Variants in MDGA2 observed in about 807,000 individuals in gnomAD.
MDGA2 encodes the protein MAM domain containing glycosylphosphatidylinositol anchor 2, also known as MAM domain-containing glycosylphosphatidylinositol anchor protein 2.
In MDGA2, 40 loss-of-function variants were observed where a neutral mutation model predicts 117.8. That is an observed-to-expected ratio of 0.34 (90% CI 0.26 to 0.44). The LOEUF (loss-of-function observed/expected upper bound fraction) is 0.44, where lower values mean the gene tolerates loss of function less well. Among genes scored for constraint, MDGA2 ranks in the 20% least tolerant of loss-of-function variants. The pLI, the probability that MDGA2 is intolerant of heterozygous loss-of-function variation, is 1.00. For missense variants in MDGA2, 1,123 were observed against 1,250.6 expected (o/e 0.90, Z 1.54); for synonymous variants, 452 against 439.0 (o/e 1.03, Z -0.37).
chr14:47,086,303 A>G (rs915502245), intron 6 of MDGA2, among the ~76,000 whole-genome samples: 1 of 152,024 alleles, frequency 6.6e-6, no homozygotes, highest in African/African-American at 2.4e-5. Context: ...TTAAGAAATT[A>G]TCCTATAGAA....
intron 1 of MDGA2, among the ~76,000 whole-genome samples, chr14:47,420,019 T>C (rs974192914): frequency 2.0e-5 from 3 of 152,172 alleles, no homozygotes; most frequent in African/African-American, 4.8e-5. Context: ...ATTAAAACGA[T>C]TGTCAACTTT....
At chr14:47,538,886 C>T (rs952351520) in intron 1 of MDGA2, among the ~76,000 whole-genome samples, 1 of 152,080 alleles carries the variant, frequency 6.6e-6, no homozygotes, top group Admixed American at 6.5e-5. Context: ...TAAATCAGGG[C>T]TCATTATATA....
chr14:46,986,808 C>A lies in MDGA2; in HGVS notation c.1820-29165G>T, dbSNP rs1594496842. On this transcript the variant is annotated intron_variant, in intron 8 of 16. Coordinates refer to ENST00000399232, the MANE Select transcript of MDGA2 (RefSeq NM_001113498.3). Reference sequence around the variant, plus strand: ...CAGTAGAACTGAGTAACTTATTCTACACTTTTTAGCATAACCTGCCAAGTG... The same window carrying A: ...CAGTAGAACTGAGTAACTTATTCTAAACTTTTTAGCATAACCTGCCAAGTG... Among the ~76,000 whole-genome samples the A allele has an allele frequency of 2.6e-5, 4 of 152,216 alleles. No homozygotes were observed. In the Middle Eastern group the frequency reaches 0.014, roughly 518 times the overall value.
chr14:47,292,175 T>A (rs962693304), intron 2 of MDGA2, among the ~76,000 whole-genome samples: 2 of 152,216 alleles, frequency 1.3e-5, no homozygotes, highest in African/African-American at 4.8e-5. Flanking sequence ...AGATGCATGA[T>A]GGAGACTATG....
intron 8 of MDGA2, among the ~76,000 whole-genome samples, chr14:47,015,315 T>C (rs931055575): frequency 3.6e-5 from 4 of 110,648 alleles, no homozygotes; most frequent in African/African-American, 1.2e-4. Context: ...AGTGAGCACA[T>C]GCTGTTAAAA....
intron 8 of MDGA2, among the ~76,000 whole-genome samples, chr14:46,966,440 C>T (rs1245905499): frequency 6.6e-6 from 1 of 152,178 alleles, no homozygotes; most frequent in Non-Finnish European, 1.5e-5. Flanking sequence ...TTGACCTACT[C>T]ACACCATCAT....
intron 2 of MDGA2, among the ~76,000 whole-genome samples, chr14:47,255,762 C>A (rs1159264362): frequency 6.6e-6 from 1 of 151,960 alleles, no homozygotes; most frequent in Non-Finnish European, 1.5e-5. Flanking sequence ...TGGTCCTACC[C>A]AATGCAGTTC....
At chr14:47,042,331 G>T (rs57829386) in intron 7 of MDGA2, among the ~76,000 whole-genome samples, 22,417 of 121,902 alleles carry the variant, frequency 0.18, 1,991 homozygotes, top group Admixed American at 0.25. Flanking sequence ...TTTTTTTTGT[G>T]TGTGTGTGTG....
intron 3 of MDGA2, among the ~76,000 whole-genome samples, chr14:47,159,963 C>T (rs1176376657): frequency 6.6e-6 from 1 of 151,982 alleles, no homozygotes; most frequent in Non-Finnish European, 1.5e-5. Flanking sequence ...CTTTGGTTGG[C>T]AAAATATAAT....
chr14:46,996,320 G>C (rs1887289827), intron 8 of MDGA2: 1 of 152,098 alleles, frequency 6.6e-6, no homozygotes, highest in Non-Finnish European at 1.5e-5. Context: ...GGAGCAACAG[G>C]GTTCTGAGGT....
intron 3 of MDGA2, among the ~76,000 whole-genome samples, chr14:47,158,411 T>C (rs1192654493): frequency 6.6e-6 from 1 of 151,666 alleles, no homozygotes; most frequent in Non-Finnish European, 1.5e-5. Flanking sequence ...CATGTACGCA[T>C]ATAATGTATA....
intron 2 of MDGA2, among the ~76,000 whole-genome samples, chr14:47,231,502 CAAG>C (rs1163569087): frequency 6.6e-6 from 1 of 151,958 alleles, no homozygotes; most frequent in Non-Finnish European, 1.5e-5. Flanking sequence ...AACCTTTCTC[CAAG>C]AACAAGTGAA....
Position 47,065,114 on chromosome 14 carries a change from G to C in MDGA2, c.1196-3536C>G, listed in dbSNP as rs550843926. On this transcript the variant is annotated intron_variant, in intron 6 of 16. Coordinates refer to ENST00000399232, the MANE Select transcript of MDGA2 (RefSeq NM_001113498.3). Reference sequence around the variant, plus strand: ...ATGAACCTTAAAAGGTACTTGTTTAGTCTGGCAGTGCATGTAAAAGATTGG... The same window carrying C: ...ATGAACCTTAAAAGGTACTTGTTTACTCTGGCAGTGCATGTAAAAGATTGG... Among the ~76,000 whole-genome samples the C allele has an allele frequency of 9.9e-4, 151 of 152,228 alleles. 1 individual carries two copies. The highest frequency in any genetic ancestry group is 3.5e-3 in the African/African-American group (145 of 41,560).
At chr14:47,390,835 C>T in intron 1 of MDGA2, among the ~76,000 whole-genome samples, 1 of 152,120 alleles carries the variant, frequency 6.6e-6, no homozygotes, top group Admixed American at 6.6e-5. Context: ...ACCAGTTTCT[C>T]CTGGAATTTT....
chr14:47,330,910 T>A (rs1216456731), intron 1 of MDGA2, among the ~76,000 whole-genome samples: 1 of 151,938 alleles, frequency 6.6e-6, no homozygotes, highest in African/African-American at 2.4e-5. Context: ...CAAAAGGTAG[T>A]TTCTATGAAA....
intron 8 of MDGA2, among the ~76,000 whole-genome samples, chr14:47,012,458 T>C (rs893898330): frequency 2.0e-5 from 3 of 152,142 alleles, no homozygotes; most frequent in Non-Finnish European, 4.4e-5. Flanking sequence ...GATAAATCAA[T>C]CACCACTTTA....
At chr14:46,901,412 G>C (rs547082219) in intron 10 of MDGA2, among the ~76,000 whole-genome samples, 47 of 152,212 alleles carry the variant, frequency 3.1e-4, no homozygotes, top group African/African-American at 1.1e-3. Context: ...AAGCACAAAG[G>C]ATGGAAAATC....
In MDGA2 at chr14:47,354,136, G is replaced by A. The variant is rs568180761; in HGVS notation, c.281-52586C>T. On this transcript the variant is annotated intron_variant, in intron 1 of 16. Coordinates refer to ENST00000399232, the MANE Select transcript of MDGA2 (RefSeq NM_001113498.3). ...ATGAGAAAAATTCTCAACAAATTAG[G>A]TATAGAAGGAAAATTTCCTCACAGG... 9.9e-5 allele frequency among the ~76,000 whole-genome samples: 15 copies of A among 152,178 alleles called. No homozygotes were observed. In the East Asian group the frequency reaches 2.9e-3, roughly 30 times the overall value.
At chr14:47,065,454 T>C (rs1566602760) in intron 6 of MDGA2, among the ~76,000 whole-genome samples, 1 of 152,158 alleles carries the variant, frequency 6.6e-6, no homozygotes, top group East Asian at 1.9e-4. Flanking sequence ...AATGGTTCAA[T>C]GGAAGACTCC....
Sources: gnomAD v4.1 joint callset for allele counts (sites outside exome capture counted in the v4.1 genomes callset) on GRCh38, gnomAD v4.1.1 for gene constraint, MANE v1.5 for transcripts, NCBI Gene and HGNC (gene_info 2026-07-23, HGNC 2026-07-21) for gene names.